Variants in PPP1R9A observed in about 807,000 individuals in gnomAD.
The protein encoded by PPP1R9A is protein phosphatase 1 regulatory subunit 9A, also known as neurabin-1.
Under a neutral mutation model 141.9 loss-of-function variants are expected in PPP1R9A, and 59 were observed. That is an observed-to-expected ratio of 0.42 (90% CI 0.34 to 0.52). The LOEUF is 0.52. Among genes scored for constraint, PPP1R9A ranks in the 20% least tolerant of loss-of-function variants. PPP1R9A has a pLI of 0.10. For missense variants in PPP1R9A, 1,444 were observed against 1,611.9 expected, an observed-to-expected ratio of 0.90 and a Z score of 1.78; for synonymous variants, 500 against 569.7, an observed-to-expected ratio of 0.88 and a Z score of 1.74.
At chr7:95,258,382 A>G (rs1799927089) in intron 12 of PPP1R9A, among the ~76,000 whole-genome samples, 1 of 151,938 alleles carries the variant, frequency 6.6e-6, no homozygotes, top group Admixed American at 6.6e-5. Flanking sequence ...TTTTCTTGTA[A>G]ATTTGTTTGA....
At chr7:95,041,487 TAAG>T (rs973095310) in intron 2 of PPP1R9A, among the ~76,000 whole-genome samples, 1 of 152,016 alleles carries the variant, frequency 6.6e-6, no homozygotes, top group African/African-American at 2.4e-5. Context: ...TTGACAAATT[TAAG>T]AAGAATGTGT....
At chr7:95,138,824 C>T (rs1409672002) in intron 4 of PPP1R9A, among the ~76,000 whole-genome samples, 1 of 152,102 alleles carries the variant, frequency 6.6e-6, no homozygotes, top group East Asian at 1.9e-4. Flanking sequence ...AGTAGAATGG[C>T]TAAAGATAAG....
At chr7:95,066,398 C>G (rs1173570830) in intron 2 of PPP1R9A, among the ~76,000 whole-genome samples, 1 of 152,078 alleles carries the variant, frequency 6.6e-6, no homozygotes, top group Non-Finnish European at 1.5e-5. Flanking sequence ...AATATTTTAG[C>G]ACTCTTAAAG....
intron 8 of PPP1R9A, among the ~76,000 whole-genome samples, chr7:95,236,676 G>T (rs1486176106): frequency 7.0e-6 from 1 of 143,596 alleles, no homozygotes. Flanking sequence ...GTTCCTAATT[G>T]TTTCTTCTTT....
rs536224639 is a variant in PPP1R9A, at chr7:95,153,902, C to T, written c.1650-7965C>T. On this transcript the variant is annotated intron_variant, in intron 4 of 19. Coordinates refer to ENST00000433360, the MANE Select transcript of PPP1R9A (RefSeq NM_001166160.2). ...GTGTATCTAGAAATTTATCCATTTC[C>T]TCCAACTTTCCAGTTCATTAAGATT... 1.9e-4 allele frequency among the ~76,000 whole-genome samples: 29 copies of T among 152,190 alleles called. No homozygotes were observed. The South Asian group carries it at 6.0e-3, about 32-fold the overall frequency.
At chr7:95,154,292 T>C (rs954064190) in intron 4 of PPP1R9A, among the ~76,000 whole-genome samples, 2 of 152,128 alleles carry the variant, frequency 1.3e-5, no homozygotes, top group African/African-American at 4.8e-5. Context: ...TTCAGGAGCA[T>C]AGTTTTAAAT....
intron 2 of PPP1R9A, among the ~76,000 whole-genome samples, chr7:94,935,202 C>T (rs937224745): frequency 2.0e-5 from 3 of 152,172 alleles, no homozygotes; most frequent in African/African-American, 7.2e-5. Flanking sequence ...TGGTCACCTT[C>T]AATTCCTTCT....
chr7:95,202,349 C>T (rs1357095703), intron 6 of PPP1R9A, among the ~76,000 whole-genome samples: 1 of 150,674 alleles, frequency 6.6e-6, no homozygotes, highest in African/African-American at 2.5e-5. Flanking sequence ...GTTAAACATT[C>T]TGATTAAAAA....
chr7:95,201,995 C>T (rs1228606193), intron 6 of PPP1R9A, among the ~76,000 whole-genome samples: 1 of 152,150 alleles, frequency 6.6e-6, no homozygotes, highest in Non-Finnish European at 1.5e-5. Flanking sequence ...TAACTTGGAA[C>T]TTGTCACATT....
At chr7:95,130,844 C>T (rs1040233945) in intron 4 of PPP1R9A, among the ~76,000 whole-genome samples, 2 of 152,142 alleles carry the variant, frequency 1.3e-5, no homozygotes, top group African/African-American at 4.8e-5. Context: ...TTGTTTTGGC[C>T]AGTTTCTTCC....
Position 95,108,363 on chromosome 7 carries a change from G to C in PPP1R9A, c.1396-2896G>C, listed in dbSNP as rs191455357. ...CAGTCTCGCTCTGTCACCCAGGCTG[G>C]AGTGCAGTGGCGCGGGAGCTCACTG... On this transcript the variant is annotated intron_variant, in intron 2 of 19. Coordinates refer to ENST00000433360, the MANE Select transcript of PPP1R9A (RefSeq NM_001166160.2). 3.1e-3 allele frequency among the ~76,000 whole-genome samples: 388 copies of C among 123,978 alleles called. 1 individual carries two copies. Among genetic ancestry groups the C allele is most frequent in the Middle Eastern group, 7.0e-3 (1 of 142 alleles). 81.3% of individuals were successfully genotyped at this position (123,978 alleles called of 152,430 possible). A position where few individuals can be genotyped will look rare whatever the true frequency, so the allele number is the denominator to read the frequency against.
chr7:94,942,853 A>G lies in PPP1R9A; in HGVS notation c.1395+31345A>G, dbSNP rs191834395. ...AATAAATAAATAAATAAATAAATAA[A>G]TAAAAGTTTGCCAACTGCTGATTTA... On this transcript the variant is annotated intron_variant, in intron 2 of 19. Transcript: ENST00000433360. Among the ~76,000 whole-genome samples the G allele has an allele frequency of 3.8e-3, 535 of 139,984 alleles. 2 individuals carry two copies. Among genetic ancestry groups the G allele is most frequent in the African/African-American group, 0.014 (504 of 37,280 alleles). 91.8% of individuals were successfully genotyped at this position (139,984 alleles called of 152,430 possible).
Position 95,099,880 on chromosome 7 carries a change from T to C in PPP1R9A, c.1396-11379T>C, listed in dbSNP as rs17166646. ...TGCCAATAAATGGTACCAATTATGATTGAATTCTATGTTGTCAAAAGCAAG... is the reference window on the plus strand; with the variant it reads ...TGCCAATAAATGGTACCAATTATGACTGAATTCTATGTTGTCAAAAGCAAG... On this transcript the variant is annotated intron_variant, in intron 2 of 19. Coordinates refer to ENST00000433360, the MANE Select transcript of PPP1R9A (RefSeq NM_001166160.2). Among the ~76,000 whole-genome samples the C allele has an allele frequency of 3.9e-3, 599 of 152,248 alleles. 23 individuals are homozygous for C. The highest frequency in any genetic ancestry group is 0.038 in the East Asian group (195 of 5,188).
chr7:95,168,481 A>C (rs1831607066), intron 5 of PPP1R9A, among the ~76,000 whole-genome samples: 1 of 151,730 alleles, frequency 6.6e-6, no homozygotes. Flanking sequence ...ACATTGGTCT[A>C]GGCAAATACT....
intron 5 of PPP1R9A, among the ~76,000 whole-genome samples, chr7:95,179,778 CAA>C (rs61054939): frequency 5.3e-4 from 51 of 96,968 alleles, no homozygotes; most frequent in South Asian, 2.3e-3. Context: ...ACAATAGCTG[CAA>C]AAAAAAAAAA....
chr7:95,013,886 A>G (rs532712481), intron 2 of PPP1R9A, among the ~76,000 whole-genome samples: 4 of 152,268 alleles, frequency 2.6e-5, no homozygotes, highest in African/African-American at 9.6e-5. Flanking sequence ...ATTTAAAGAA[A>G]GATTGTAGAA....
intron 2 of PPP1R9A, among the ~76,000 whole-genome samples, chr7:95,093,487 T>C (rs904610879): frequency 1.3e-5 from 2 of 152,206 alleles, no homozygotes; most frequent in Non-Finnish European, 2.9e-5. Context: ...GACTGTAGCA[T>C]TTCTAATACA....
At chr7:95,147,607 A>G (rs1268708116) in intron 4 of PPP1R9A, among the ~76,000 whole-genome samples, 1 of 152,138 alleles carries the variant, frequency 6.6e-6, no homozygotes. Context: ...GCTTTTGCCC[A>G]TTCGATATGA....
intron 5 of PPP1R9A, among the ~76,000 whole-genome samples, chr7:95,162,323 T>C (rs185733617): frequency 1.3e-5 from 2 of 152,322 alleles, no homozygotes; most frequent in Admixed American, 1.3e-4. Context: ...GAAATGATTA[T>C]ACATATATTC....
Sources: allele counts gnomAD v4.1 joint callset (sites outside exome capture counted in the v4.1 genomes callset), GRCh38; gene constraint gnomAD v4.1.1; transcripts MANE v1.5; gene names NCBI Gene and HGNC (gene_info 2026-07-23, HGNC 2026-07-21).